The following FLYWCH1 variants were observed in gnomAD, a reference collection of about 807,000 sequenced individuals.
FLYWCH1 encodes the protein FLYWCH-type zinc finger-containing protein 1.
FLYWCH1 carries 75 observed loss-of-function variants against 66.4 expected under a neutral mutation model. The observed-to-expected ratio is 1.13, with a 90% CI of 0.94 to 1.37. The LOEUF (loss-of-function observed/expected upper bound fraction) is 1.37, where lower values mean the gene tolerates loss of function less well. Ranked by LOEUF, FLYWCH1 falls within the 40% of genes most tolerant of loss-of-function variation. The pLI is 0.00. For synonymous variants in FLYWCH1, 595 were observed against 429.9 expected, an observed-to-expected ratio of 1.38 and a Z score of -4.75; for missense variants, 1,334 against 1,001.8, an observed-to-expected ratio of 1.33 and a Z score of -4.48.
chr16:2,919,601 C>T (rs1433157478), intron 2 of FLYWCH1, among the ~76,000 whole-genome samples: 4 of 152,042 alleles, frequency 2.6e-5, no homozygotes, highest in Non-Finnish European at 4.4e-5. Flanking sequence ...TGTGATGTTG[C>T]CCAGATTGGC....
At chr16:2,936,595 G>T (rs767489298) in intron 6 of FLYWCH1, 1 of 457,020 alleles carries the variant, frequency 2.2e-6, no homozygotes, top group South Asian at 1.5e-5. Flanking sequence ...TATCCTCTGG[G>T]CAAGGCACAG....
At chr16:2,913,911 T>A (rs755065292) in intron 1 of FLYWCH1, among the ~76,000 whole-genome samples, 4 of 152,102 alleles carry the variant, frequency 2.6e-5, no homozygotes, top group African/African-American at 4.8e-5. Flanking sequence ...GGTCTCACTA[T>A]GTTGCCTAGG....
At chr16:2,934,342 T>C (rs1056706331) in intron 6 of FLYWCH1, among the ~76,000 whole-genome samples, 8 of 152,172 alleles carry the variant, frequency 5.3e-5, no homozygotes, top group Non-Finnish European at 8.8e-5. Context: ...TGTCTTAACG[T>C]CTGAGTGGTT....
rs534260711 is a variant in FLYWCH1 at position 2,946,004 on chromosome 16, A to G, written c.2112-2684A>G. ...AGAGCGAGACTCCATGTCAAAAAAT[A>G]AATAAATAAAAGCTTGTAGAATGAG... is the stretch of plus-strand genomic sequence containing the variant. On this transcript the variant is annotated intron_variant, in intron 9 of 9. Coordinates refer to ENST00000253928, the MANE Select transcript of FLYWCH1 (RefSeq NM_001308068.2). Among the ~76,000 whole-genome samples, 30 of 142,444 alleles carry G rather than the reference A, an allele frequency of 2.1e-4. 1 individual carries two copies. In the South Asian group the frequency reaches 6.3e-3, roughly 30 times the overall value. The allele number at this position is 142,444 out of a possible 152,430, so 93.4% of individuals were successfully genotyped here.
In FLYWCH1 at chr16:2,948,737, G is replaced by C. The variant is rs2071587064; in HGVS notation, c.*10G>C. The C allele has an allele frequency of 5.0e-6, 8 of 1,613,768 alleles. No individual in the cohort carries two copies. Among genetic ancestry groups the C allele is most frequent in the Non-Finnish European group, 6.8e-6 (8 of 1,179,700 alleles). The stretch of plus-strand genomic sequence containing the variant: ...TGGCGAGTCCCAGTGAGGCGATGTG[G>C]GCAGAGGAGCTCCGAGCCGCCCACC... On this transcript the variant is annotated 3_prime_UTR_variant, in exon 10 of 10. Coordinates refer to ENST00000253928, the MANE Select transcript of FLYWCH1 (RefSeq NM_001308068.2).
At chr16:2,914,942 A>G (rs990733564) in intron 2 of FLYWCH1, among the ~76,000 whole-genome samples, 4 of 150,914 alleles carry the variant, frequency 2.7e-5, no homozygotes, top group Non-Finnish European at 4.4e-5. Flanking sequence ...TTTGTACTGA[A>G]TGAAGATTGA....
chr16:2,937,792 A>G (rs978545974), intron 7 of FLYWCH1, among the ~76,000 whole-genome samples: 1 of 152,002 alleles, frequency 6.6e-6, no homozygotes, highest in East Asian at 1.9e-4. Flanking sequence ...CTTTTAGTTC[A>G]GCTTGTTAAA....
chr16:2,915,294 A>C (rs2335544), intron 2 of FLYWCH1: 85,897 of 151,494 alleles, frequency 0.57, 24,591 homozygotes, highest in Middle Eastern at 0.62. Flanking sequence ...ATGCACCACG[A>C]CCGACTAATT....
chr16:2,914,055 C>G (rs1469617434), intron 1 of FLYWCH1, 121 bp from the exon 2 acceptor site: 2 of 152,246 alleles, frequency 1.3e-5, no homozygotes, highest in African/African-American at 4.8e-5. Context: ...TCCTCCCGCT[C>G]CTATCACTCA....
Position 2,936,419 on chromosome 16 carries a change from C to CT in FLYWCH1, c.1514-700dup, listed in dbSNP as rs369089921. The stretch of plus-strand genomic sequence containing the variant: ...CCCCTGCCCAGCCCTCTCCATCCCT[C>CT]TTGAAGGTAGTTCCACAGCCAGACA... On this transcript the variant is annotated intron_variant, in intron 6 of 9. Transcript: ENST00000253928. 208 of 455,926 alleles carry CT rather than the reference C, an allele frequency of 4.6e-4. 1 individual carries two copies. The highest frequency in any genetic ancestry group is 3.7e-3 in the African/African-American group (185 of 50,122). 28.2% of individuals were successfully genotyped at this position (455,926 alleles called of 1,614,324 possible).
intron 9 of FLYWCH1, among the ~76,000 whole-genome samples, chr16:2,940,743 T>C (rs115347709): frequency 0.011 from 1,708 of 152,366 alleles, 26 homozygotes; most frequent in African/African-American, 0.04. Flanking sequence ...AGCCTTGTTA[T>C]TGGTTTGTAA....
At chr16:2,940,170 G>A (rs2071203074) in intron 9 of FLYWCH1, 78 bp downstream of exon 9, 1 of 749,256 alleles carries the variant, frequency 1.3e-6, no homozygotes, top group Non-Finnish European at 2.4e-6. Context: ...AATATTTGCT[G>A]TCTCAGCTTT....
intron 2 of FLYWCH1, among the ~76,000 whole-genome samples, chr16:2,920,898 G>A (rs13332269): frequency 1.5e-5 from 2 of 133,864 alleles, no homozygotes; most frequent in Non-Finnish European, 3.1e-5. Context: ...CTGGAGTGCA[G>A]TGGCGCGATC....
chr16:2,921,443 C>T (rs2070372306), intron 2 of FLYWCH1, among the ~76,000 whole-genome samples: 1 of 151,982 alleles, frequency 6.6e-6, no homozygotes. Flanking sequence ...TAGAGGCATC[C>T]ATCCGGTGCT....
chr16:2,945,098 C>G (rs182460208), intron 9 of FLYWCH1, among the ~76,000 whole-genome samples: 26 of 152,124 alleles, frequency 1.7e-4, no homozygotes, highest in African/African-American at 4.6e-4. Context: ...ACCTGTAATC[C>G]CAGCACTTTG....
chr16:2,924,382 C>T (rs1388741151), intron 2 of FLYWCH1, among the ~76,000 whole-genome samples: 4 of 151,958 alleles, frequency 2.6e-5, no homozygotes, highest in African/African-American at 7.2e-5. Flanking sequence ...ACTTACTTGC[C>T]AAGCATATCA....
chr16:2,922,286 A>T (rs1596359534), intron 2 of FLYWCH1: 1 of 156,404 alleles, frequency 6.4e-6, no homozygotes, highest in African/African-American at 2.4e-5. Context: ...AAAATTTACC[A>T]TATTGGTCAT....
At chr16:2,937,017 T>TG (rs2071032754) in intron 6 of FLYWCH1, 104 bp from the exon 7 acceptor site, 2 of 1,209,498 alleles carry the variant, frequency 1.7e-6, no homozygotes, top group African/African-American at 4.5e-5. Context: ...CACCTCACTG[T>TG]GAGGAGGAGG....
intron 8 of FLYWCH1, among the ~76,000 whole-genome samples, chr16:2,938,923 T>TTGAG (rs2150992683): frequency 6.6e-6 from 1 of 151,306 alleles, no homozygotes; most frequent in East Asian, 2.0e-4. Flanking sequence ...TTTTTTTTTC[T>TTGAG]TGAGTCAGAG....
Sources: gnomAD v4.1 joint callset for allele counts (sites outside exome capture counted in the v4.1 genomes callset) on GRCh38, gnomAD v4.1.1 for gene constraint, MANE v1.5 for transcripts, NCBI Gene and HGNC (gene_info 2026-07-23, HGNC 2026-07-21) for gene names.